The following VAV2 variants were observed in gnomAD, a reference collection of about 807,000 sequenced individuals.
The protein encoded by VAV2 is guanine nucleotide exchange factor VAV2.
VAV2 carries 67 observed loss-of-function variants against 132.5 expected under a neutral mutation model. That is an observed-to-expected ratio of 0.51 (90% CI 0.42 to 0.62). VAV2 has a LOEUF of 0.62. Ranked by LOEUF, VAV2 falls within the 20% of genes least tolerant of loss-of-function variation. The pLI is 0.00. For synonymous variants in VAV2, 492 were observed against 443.5 expected, an observed-to-expected ratio of 1.11 and a Z score of -1.37; for missense variants, 938 against 1,153.6, an observed-to-expected ratio of 0.81 and a Z score of 2.71.
In VAV2 at chr9:133,794,866, C is replaced by T. The variant is rs1047115997; in HGVS notation, c.1101+802G>A. 1.4e-4 allele frequency among the ~76,000 whole-genome samples: 22 copies of T among 152,194 alleles called. No homozygotes were observed. Among genetic ancestry groups the T allele is most frequent in the Admixed American group, 1.1e-3 (17 of 15,280 alleles). On this transcript the variant is annotated intron_variant, in intron 12 of 29. Coordinates refer to ENST00000371850, the MANE Select transcript of VAV2 (RefSeq NM_001134398.2). The surrounding 1 kb of genome is among the most constrained non-coding windows in gnomAD (Gnocchi z 4.6). ...TGTCCAGGAGGAAGAGTGCCACCCA[C>T]GAGGAAGCCAGTTCCCTGAGGACAG...
intron 4 of VAV2, among the ~76,000 whole-genome samples, chr9:133,812,557 A>T (rs950721468): frequency 6.6e-6 from 1 of 152,054 alleles, no homozygotes; most frequent in African/African-American, 2.4e-5. Flanking sequence ...CTTCACCAGA[A>T]TCTTCCCACC....
At chr9:133,906,778 G>A (rs1236270396) in intron 2 of VAV2, among the ~76,000 whole-genome samples, 4 of 152,178 alleles carry the variant, frequency 2.6e-5, no homozygotes, top group South Asian at 2.1e-4. Flanking sequence ...TGGGGGCAGC[G>A]GGGTCCCTGC....
chr9:133,964,022 C>CATATATATATATATAT (rs10541639), intron 1 of VAV2, among the ~76,000 whole-genome samples: 5 of 93,874 alleles, frequency 5.3e-5, no homozygotes, highest in African/African-American at 1.2e-4. Context: ...ATTATTCATT[C>CATATATATATATATAT]ATATATATAT....
At position 133,879,949 on chromosome 9, in the gene VAV2, G is replaced by A. The variant is rs2131934390; in HGVS notation, c.322-18517C>T. ...GGACTTCCCAAAATGGCCACTTTATGGATTTTTCTTTTCCTGTCTAAGGGT... is the reference window on the plus strand; with the variant it reads ...GGACTTCCCAAAATGGCCACTTTATAGATTTTTCTTTTCCTGTCTAAGGGT... On this transcript the variant is annotated intron_variant, in intron 2 of 29. Transcript: ENST00000371850. This position sits in a 1 kb window ranked among gnomAD's most constrained non-coding sequence, Gnocchi z 4.4. Among the ~76,000 whole-genome samples, 1 of 152,322 alleles carries A rather than the reference G, an allele frequency of 6.6e-6. No individual in the cohort carries two copies. The highest frequency in any genetic ancestry group is 1.5e-5 in the Non-Finnish European group (1 of 68,030).
intron 3 of VAV2, among the ~76,000 whole-genome samples, chr9:133,849,781 G>T (rs536586682): frequency 6.6e-6 from 1 of 152,172 alleles, no homozygotes; most frequent in Non-Finnish European, 1.5e-5. Flanking sequence ...CTCTTCACAC[G>T]ATCCTCTCCT....
At chr9:133,775,982 A>G in intron 24 of VAV2, 46 bp downstream of exon 24, 1 of 1,565,466 alleles carries the variant, frequency 6.4e-7, no homozygotes, top group Non-Finnish European at 8.7e-7. Flanking sequence ...CCCCCATAAC[A>G]AAGAGGCCAC....
In VAV2 at chr9:133,788,462, C is replaced by T. The variant is rs1209399355; in HGVS notation, c.1299G>A (p.Val433=). 2 of 1,610,670 alleles carry T rather than the reference C, an allele frequency of 1.2e-6. No individual in the cohort carries two copies. Among genetic ancestry groups the T allele is most frequent in the East Asian group, 2.2e-5 (1 of 44,712 alleles). ...QDRYLFLFDK[V]VIVCKRKGYS... ...AGCCCTTCCGCTTGCAGACGATGAC[C>T]ACCTTGTCAAACAGGAACAAGTACC... Residue 433 remains valine, a synonymous_variant, in exon 15 of 30, where the codon GTG becomes GTA. Transcript: ENST00000371850. The surrounding 1 kb of genome is among the most constrained non-coding windows in gnomAD (Gnocchi z 5.3).
Position 133,763,884 on chromosome 9 carries a change from C to G in VAV2, c.*178G>C, listed in dbSNP as rs1394685204. 1.4e-6 allele frequency: 1 copy of G among 728,422 alleles called. No individual in the cohort carries two copies. The highest frequency in any genetic ancestry group is 2.7e-5 in the East Asian group (1 of 36,630). 45.1% of individuals were successfully genotyped at this position (728,422 alleles called of 1,614,324 possible). On this transcript the variant is annotated 3_prime_UTR_variant, in exon 30 of 30. Coordinates refer to ENST00000371850, the MANE Select transcript of VAV2 (RefSeq NM_001134398.2). This position sits in a 1 kb window ranked among gnomAD's most constrained non-coding sequence, Gnocchi z 6.8. ...ATACCCAGTGATGGGTCGCCGAGGG[C>G]AGGCTGACAGTGAAACGGTTCGAGT...
chr9:133,859,912 T>G (rs1055277938), intron 3 of VAV2, among the ~76,000 whole-genome samples: 9 of 152,228 alleles, frequency 5.9e-5, no homozygotes, highest in Non-Finnish European at 2.9e-5. Context: ...CTCTAGAAAG[T>G]ACTCAGGGTG....
At chr9:133,861,341 C>T (rs562192837) in intron 3 of VAV2, 33 bp downstream of exon 3, 1 of 1,595,852 alleles carries the variant, frequency 6.3e-7, no homozygotes, top group Non-Finnish European at 8.5e-7. Flanking sequence ...GATGAAAGGA[C>T]CCGGCCTTGG....
chr9:133,785,918 G>A lies in VAV2; in HGVS notation c.1423-33C>T, dbSNP rs1327900929. On this transcript the variant is annotated intron_variant, in intron 16 of 29. Coordinates refer to ENST00000371850, the MANE Select transcript of VAV2 (RefSeq NM_001134398.2). Reference sequence around the variant, plus strand: ...GGGGAGAGGGGCCATGCTTGCAATAGACACGGCTTCAGACATCCTGGCACA... The same window carrying A: ...GGGGAGAGGGGCCATGCTTGCAATAAACACGGCTTCAGACATCCTGGCACA... The A allele has an allele frequency of 2.5e-6, 4 of 1,587,942 alleles. No individual in the cohort carries two copies. In the African/African-American group the frequency reaches 5.4e-5, roughly 21 times the overall value.
chr9:133,915,891 T>C (rs1345740829), intron 2 of VAV2, among the ~76,000 whole-genome samples: 3 of 78,364 alleles, frequency 3.8e-5, no homozygotes, highest in African/African-American at 1.4e-4. Flanking sequence ...ACATGCACAC[T>C]CACACACGAT....
chr9:133,852,414 T>G (rs1207358198), intron 3 of VAV2, among the ~76,000 whole-genome samples: 20 of 108,814 alleles, frequency 1.8e-4, no homozygotes, highest in Admixed American at 6.9e-4. Context: ...GTGGGGGGAG[T>G]GCGGGGATGG....
intron 1 of VAV2, among the ~76,000 whole-genome samples, chr9:133,972,417 C>T (rs116614717): frequency 6.6e-6 from 1 of 152,158 alleles, no homozygotes. Context: ...GAACACACTG[C>T]GTCATTAGCT....
At chr9:133,839,300 GAC>G (rs1564395610) in intron 3 of VAV2, among the ~76,000 whole-genome samples, 1 of 152,016 alleles carries the variant, frequency 6.6e-6, no homozygotes, top group East Asian at 1.9e-4. Flanking sequence ...TGGGCTGACA[GAC>G]AGATGGATGA....
In VAV2 at chr9:133,881,704, T is replaced by C. The variant is rs553746888; in HGVS notation, c.322-20272A>G. Among the ~76,000 whole-genome samples the C allele has an allele frequency of 2.6e-5, 4 of 152,356 alleles. No individual in the cohort carries two copies. In the East Asian group the frequency reaches 7.7e-4, roughly 29 times the overall value. On this transcript the variant is annotated intron_variant, in intron 2 of 29. Coordinates refer to ENST00000371850, the MANE Select transcript of VAV2 (RefSeq NM_001134398.2). ...GAACTTTGAGAGGCCCTCTCATGTG[T>C]CTGATACCAAATGTATAATTTAATA...
rs993625999 is a variant in VAV2, at chr9:133,776,228, C to A, written c.1966-148G>T. On this transcript the variant is annotated intron_variant, in intron 23 of 29. Coordinates refer to ENST00000371850, the MANE Select transcript of VAV2 (RefSeq NM_001134398.2). Reference sequence around the variant, plus strand: ...TGGACTTAGCCCCAGCGCCCCTGGCCTGGGAGGTGCCCAAGGGTCGTGGCC... The same window carrying A: ...TGGACTTAGCCCCAGCGCCCCTGGCATGGGAGGTGCCCAAGGGTCGTGGCC... 2.8e-5 allele frequency: 32 copies of A among 1,162,740 alleles called. No individual in the cohort carries two copies. In the Middle Eastern group the frequency reaches 6.1e-4, roughly 22 times the overall value. The allele number at this position is 1,162,740 out of a possible 1,614,324, so 72.0% of individuals were successfully genotyped here. A position where few individuals can be genotyped will look rare whatever the true frequency, so the allele number is the denominator to read the frequency against.
At chr9:133,934,892 G>A (rs1261887021) in intron 2 of VAV2, among the ~76,000 whole-genome samples, 2 of 152,202 alleles carry the variant, frequency 1.3e-5, no homozygotes, top group African/African-American at 4.8e-5. Flanking sequence ...TAATGCGCCG[G>A]CCAGTCGGTC....
intron 4 of VAV2, among the ~76,000 whole-genome samples, chr9:133,827,274 C>T (rs3003583): frequency 0.19 from 2,370 of 12,656 alleles, 384 homozygotes; most frequent in Middle Eastern, 0.36. Flanking sequence ...CCTACCGCTG[C>T]GCCCACTGAG....
Sources: gnomAD v4.1 joint callset for allele counts (sites outside exome capture counted in the v4.1 genomes callset) on GRCh38, gnomAD v4.1.1 for gene constraint, Gnocchi (gnomAD v3.1) non-coding constraint, MANE v1.5 for transcripts, NCBI Gene and HGNC (gene_info 2026-07-23, HGNC 2026-07-21) for gene names.